EXOG: variants seen among roughly 807,000 people sequenced by gnomAD.
EXOG encodes the protein nuclease EXOG, mitochondrial.
EXOG carries 27 observed loss-of-function variants against 25.8 expected under a neutral mutation model. The observed-to-expected ratio is 1.05, with a 90% CI of 0.77 to 1.45. The LOEUF is 1.45. EXOG is among the 40% of genes most tolerant of loss of function. EXOG has a pLI of 0.00. For missense variants in EXOG, 458 were observed against 450.5 expected, an observed-to-expected ratio of 1.02 and a Z score of -0.15; for synonymous variants, 133 against 167.0, an observed-to-expected ratio of 0.80 and a Z score of 1.57.
intron 4 of EXOG, among the ~76,000 whole-genome samples, chr3:38,504,959 T>A (rs1489807649): frequency 6.6e-6 from 1 of 152,216 alleles, no homozygotes; most frequent in Non-Finnish European, 1.5e-5. Context: ...GACATTTGTT[T>A]CATCTACATA....
chr3:38,508,391 A>C (rs1193797841), intron 5 of EXOG, among the ~76,000 whole-genome samples: 1 of 152,206 alleles, frequency 6.6e-6, no homozygotes, highest in Non-Finnish European at 1.5e-5. Flanking sequence ...ATACCTGAAG[A>C]GCAGGTGTTC....
At chr3:38,511,236 T>C (rs959622697) in intron 5 of EXOG, among the ~76,000 whole-genome samples, 1 of 152,180 alleles carries the variant, frequency 6.6e-6, no homozygotes, top group Non-Finnish European at 1.5e-5. Flanking sequence ...AAAATAACTT[T>C]TACTTAGACA....
Position 38,496,353 on chromosome 3 carries a change from G to A in EXOG, c.-15G>A. On this transcript the variant is annotated 5_prime_UTR_variant, in exon 1 of 6. Transcript: ENST00000287675. ...CGCGCATGCGCCGTGGTAAAAGGCCGGTACCTCGGGCAAGATGGCTATCAA... is the reference window on the plus strand; with the variant it reads ...CGCGCATGCGCCGTGGTAAAAGGCCAGTACCTCGGGCAAGATGGCTATCAA... 1 of 1,609,946 alleles carries A rather than the reference G, an allele frequency of 6.2e-7. No homozygotes were observed.
At chr3:38,496,711 C>A in intron 1 of EXOG, 181 bp downstream of exon 1, 1 of 1,444,992 alleles carries the variant, frequency 6.9e-7, no homozygotes. Flanking sequence ...CGCGTCTCGC[C>A]AGCTTCCCTC....
At chr3:38,515,741 C>A (rs574561397) in intron 5 of EXOG, 3 of 155,256 alleles carry the variant, frequency 1.9e-5, no homozygotes, top group South Asian at 3.5e-4. Context: ...TGGGTTTGCC[C>A]AGGATGGAGG....
At chr3:38,522,187 A>G (rs560988340) in intron 5 of EXOG, among the ~76,000 whole-genome samples, 1 of 152,358 alleles carries the variant, frequency 6.6e-6, no homozygotes, top group East Asian at 1.9e-4. Flanking sequence ...TGGTCTTGGC[A>G]GTGGGACCTT....
At chr3:38,508,373 A>G (rs2060266084) in intron 5 of EXOG, among the ~76,000 whole-genome samples, 1 of 152,178 alleles carries the variant, frequency 6.6e-6, no homozygotes, top group African/African-American at 2.4e-5. Context: ...GGCAATTTAC[A>G]AAGTGGTATA....
chr3:38,520,099 C>T (rs943539069), intron 5 of EXOG, among the ~76,000 whole-genome samples: 2 of 152,076 alleles, frequency 1.3e-5, no homozygotes, highest in African/African-American at 4.8e-5. Flanking sequence ...CTTGATGCTG[C>T]TTAATATTTT....
chr3:38,519,976 G>A (rs763207109), intron 5 of EXOG, among the ~76,000 whole-genome samples: 11 of 152,090 alleles, frequency 7.2e-5, no homozygotes, highest in African/African-American at 1.2e-4. Context: ...TTTTAAGGGC[G>A]TGGTCTCTTG....
At chr3:38,498,510 G>A (rs1226509551) in intron 2 of EXOG, among the ~76,000 whole-genome samples, 1 of 151,576 alleles carries the variant, frequency 6.6e-6, no homozygotes, top group South Asian at 2.1e-4. Flanking sequence ...AGCCAAGATC[G>A]CAGCACCACA....
intron 5 of EXOG, 38 bp downstream of exon 5, chr3:38,507,006 T>A (rs373392247): frequency 1.4e-5 from 12 of 885,252 alleles, no homozygotes; most frequent in Admixed American, 4.3e-5. Flanking sequence ...GTTATCTGTA[T>A]GAGATTATAA....
Position 38,525,384 on chromosome 3 carries a change from C to T in EXOG, c.*1022C>T, listed in dbSNP as rs1271770031. 4 of 985,228 alleles carry T rather than the reference C, an allele frequency of 4.1e-6. No homozygotes were observed. In the African/African-American group the frequency reaches 5.2e-5, roughly 13 times the overall value. The allele number at this position is 985,228 out of a possible 1,614,324, so 61.0% of individuals were successfully genotyped here. ...CCTATTTCCATGGGTATTTGTGGGC[C>T]TGAGGCATGCTTGGCAAGAAGAGTC... On this transcript the variant is annotated 3_prime_UTR_variant, in exon 6 of 6. Transcript: ENST00000287675.
chr3:38,519,853 C>G (rs1158420543), intron 5 of EXOG, among the ~76,000 whole-genome samples: 1 of 152,192 alleles, frequency 6.6e-6, no homozygotes. Context: ...TTCTTGTTGA[C>G]TTTACCACAC....
At chr3:38,502,959 T>C (rs2060092810) in intron 3 of EXOG, among the ~76,000 whole-genome samples, 2 of 152,284 alleles carry the variant, frequency 1.3e-5, no homozygotes, top group Non-Finnish European at 2.9e-5. Context: ...TGCCCAGACC[T>C]GAACCTCATA....
intron 5 of EXOG, among the ~76,000 whole-genome samples, chr3:38,513,178 A>C (rs1467287069): frequency 6.6e-6 from 1 of 152,214 alleles, no homozygotes; most frequent in African/African-American, 2.4e-5. Context: ...AGCTTCTCTT[A>C]AATCAGATGA....
In EXOG at chr3:38,501,456, G is replaced by A. The variant is rs1281281168; in HGVS notation, c.415G>A (p.Gly139Arg). ...TTATGTTGGAAGTGGGTGGTCACGA[G>A]GACACATGGCTCCAGCAGGAAATAA... ...EDYVGSGWSR[G>R]HMAPAGNNKF... Residue 139 changes from glycine to arginine, a missense_variant, in exon 3 of 6, where the codon GGA (glycine) becomes AGA (arginine). Physicochemically the swap from Gly to Arg is moderately radical, Grantham distance 125. Coordinates refer to ENST00000287675, the MANE Select transcript of EXOG (RefSeq NM_005107.4). 1.9e-6 allele frequency: 3 copies of A among 1,613,926 alleles called. No individual in the cohort carries two copies. The highest frequency in any genetic ancestry group is 2.5e-6 in the Non-Finnish European group (3 of 1,179,948).
chr3:38,504,856 A>G (rs575219315), intron 4 of EXOG, among the ~76,000 whole-genome samples: 62 of 152,248 alleles, frequency 4.1e-4, no homozygotes, highest in African/African-American at 1.5e-3. Flanking sequence ...CTTTCAGGCT[A>G]TTGTGTTTTT....
At chr3:38,512,084 C>G (rs1222283623) in intron 5 of EXOG, among the ~76,000 whole-genome samples, 2 of 152,118 alleles carry the variant, frequency 1.3e-5, no homozygotes, top group Non-Finnish European at 2.9e-5. Flanking sequence ...TTGTAGTCTT[C>G]TAAGTCGATG....
chr3:38,497,457 C>G (rs1164103493), intron 1 of EXOG, 172 bp from the exon 2 acceptor site: 2 of 1,363,416 alleles, frequency 1.5e-6, no homozygotes, highest in African/African-American at 3.0e-5. Context: ...TTCTTCATCT[C>G]ATAAGTAATT....
Sources: gnomAD v4.1 joint callset for allele counts (sites outside exome capture counted in the v4.1 genomes callset) on GRCh38, gnomAD v4.1.1 for gene constraint, MANE v1.5 for transcripts, NCBI Gene and HGNC (gene_info 2026-07-23, HGNC 2026-07-21) for gene names.